MUC4: variants seen among roughly 807,000 people sequenced by gnomAD.
MUC4 encodes the protein mucin 4, cell surface associated.
Under a neutral mutation model 257.9 loss-of-function variants are expected in MUC4, and 202 were observed. The ratio of observed to expected loss-of-function variants is 0.78; its 90% CI spans 0.70 to 0.88. The LOEUF (loss-of-function observed/expected upper bound fraction) is 0.88, where lower values mean the gene tolerates loss of function less well. Among genes scored for constraint, MUC4 ranks in the 40% least tolerant of loss-of-function variants. MUC4 has a pLI of 0.00. For synonymous variants in MUC4, 2,351 were observed against 2,757.1 expected (o/e 0.85, Z 4.62); for missense variants, 5,976 against 6,513.7 (o/e 0.92, Z 2.84).
rs761569859 is a variant in MUC4, at chr3:195,782,378, C to T, written c.9202G>A (p.Gly3068Ser). 7.3e-4 allele frequency: 1,044 copies of T among 1,421,622 alleles called. 96 individuals are homozygous for T. The African/African-American group carries it at 0.017, about 23-fold the overall frequency. 88.1% of individuals were successfully genotyped at this position (1,421,622 alleles called of 1,614,324 possible). A position where few individuals can be genotyped will look rare whatever the true frequency, so the allele number is the denominator to read the frequency against. Residue 3068 changes from glycine (G) to serine (S), a missense_variant, in exon 2 of 25, where the codon GGT becomes AGT. Coordinates refer to ENST00000463781, the MANE Select transcript of MUC4 (RefSeq NM_018406.7). ...HVTSPSSAST[G>S]HATPLPVTDT... ...GTGACAGGAAGCGGGGTGGCGTGAC[C>T]GGTGGATGCTGAGGAAGGGCTGGTG...
At chr3:195,777,932 ATACCTTCCACAC>A (rs1312095534) in intron 3 of MUC4, among the ~76,000 whole-genome samples, 4 of 151,134 alleles carry the variant, frequency 2.6e-5, no homozygotes, top group African/African-American at 9.8e-5. Context: ...TTCCACACCC[ATACCTTCCACAC>A]CTTTGTTCCA....
intron 23 of MUC4, chr3:195,749,947 C>T (rs1716034286): frequency 6.6e-6 from 1 of 152,276 alleles, no homozygotes; most frequent in South Asian, 2.1e-4. Flanking sequence ...TATAGGTTTT[C>T]CTTAATTGCA....
chr3:195,792,226 A>G (rs2149044334), intron 1 of MUC4, among the ~76,000 whole-genome samples: 1 of 152,332 alleles, frequency 6.6e-6, no homozygotes, highest in African/African-American at 2.4e-5. Context: ...AATTTTTGCA[A>G]TCTAACCATC....
chr3:195,769,240 GCT>G, intron 6 of MUC4, 88 bp from the exon 7 acceptor site: 1 of 1,526,506 alleles, frequency 6.6e-7, no homozygotes, highest in Non-Finnish European at 8.9e-7. Flanking sequence ...CCACAGCCCT[GCT>G]CTGACACGCA....
chr3:195,767,546 C>CCAT (rs1488411291), intron 7 of MUC4, among the ~76,000 whole-genome samples: 1 of 115,908 alleles, frequency 8.6e-6, no homozygotes, highest in Non-Finnish European at 1.7e-5. Flanking sequence ...ACCATCATCA[C>CCAT]CATCACCATT....
chr3:195,747,018 G>T lies in MUC4; in HGVS notation c.*158C>A. 1.9e-6 allele frequency: 2 copies of T among 1,068,790 alleles called. No individual in the cohort carries two copies. Among genetic ancestry groups the T allele is most frequent in the Non-Finnish European group, 2.7e-6 (2 of 734,528 alleles). 66.2% of individuals were successfully genotyped at this position (1,068,790 alleles called of 1,614,324 possible). A position where few individuals can be genotyped will look rare whatever the true frequency, so the allele number is the denominator to read the frequency against. On this transcript the variant is annotated 3_prime_UTR_variant, in exon 25 of 25. Coordinates refer to ENST00000463781, the MANE Select transcript of MUC4 (RefSeq NM_018406.7). The stretch of plus-strand genomic sequence containing the variant: ...CCTGTGCACCTGCGCCTATGGATAA[G>T]GTATAGTCTTGTCTTGATTCCCAGT...
In MUC4 at chr3:195,782,352, G is replaced by T. The variant is rs779987871; in HGVS notation, c.9228C>A (p.Thr3076=). 7.0e-7 allele frequency: 1 copy of T among 1,431,386 alleles called. No homozygotes were observed. The highest frequency in any genetic ancestry group is 1.6e-5 in the African/African-American group (1 of 64,464). 88.7% of individuals were successfully genotyped at this position (1,431,386 alleles called of 1,614,324 possible). A position where few individuals can be genotyped will look rare whatever the true frequency, so the allele number is the denominator to read the frequency against. ...STGHATPLPV[T]DTSSASTGHA... The stretch of plus-strand genomic sequence containing the variant: ...GACCTGTGGATGCTGAGGAAGTGTC[G>T]GTGACAGGAAGCGGGGTGGCGTGAC... Residue 3076 remains threonine (T), a synonymous_variant, in exon 2 of 25, where the codon ACC becomes ACA. Transcript: ENST00000463781.
At position 195,778,700 on chromosome 3, in the gene MUC4, C is replaced by G. The variant is rs114103729; in HGVS notation, c.12790+90G>C. 5,673 of 1,411,442 alleles carry G rather than the reference C, an allele frequency of 4.0e-3. 195 individuals are homozygous for G. In the African/African-American group the frequency reaches 0.071, roughly 18 times the overall value. The allele number at this position is 1,411,442 out of a possible 1,614,324, so 87.4% of individuals were successfully genotyped here. A position where few individuals can be genotyped will look rare whatever the true frequency, so the allele number is the denominator to read the frequency against. ...CCTGACACGGCCCCACCAGGTAATGCGAATGCACCAGTGTTCTCAGGTACT... is the reference window on the plus strand; with the variant it reads ...CCTGACACGGCCCCACCAGGTAATGGGAATGCACCAGTGTTCTCAGGTACT... On this transcript the variant is annotated intron_variant, in intron 2 of 24. Transcript: ENST00000463781.
chr3:195,754,894 CATGT>C lies in MUC4; in HGVS notation c.15169-526_15169-523del, dbSNP rs1192918610. 1.9e-3 allele frequency among the ~76,000 whole-genome samples: 49 copies of C among 25,274 alleles called. 1 individual carries two copies. In the South Asian group the frequency reaches 0.038, roughly 19 times the overall value. 16.6% of individuals were successfully genotyped at this position (25,274 alleles called of 152,430 possible). A position where few individuals can be genotyped will look rare whatever the true frequency, so the allele number is the denominator to read the frequency against. On this transcript the variant is annotated intron_variant, in intron 18 of 24. Transcript: ENST00000463781. Reference sequence around the variant, plus strand: ...CAATGTATGTATCCATGTATGTATCCATGTATGTATGTGTGTGTCATGCATGTAT... The same window carrying C: ...CAATGTATGTATCCATGTATGTATCCATGTATGTGTGTGTCATGCATGTAT...
rs756030601 is a variant in MUC4, at chr3:195,789,934, G to C, written c.1646C>G (p.Ser549Cys). 1 of 1,613,872 alleles carries C rather than the reference G, an allele frequency of 6.2e-7. No homozygotes were observed. Among genetic ancestry groups the C allele is most frequent in the Non-Finnish European group, 8.5e-7 (1 of 1,179,896 alleles). Reference sequence around the variant, plus strand: ...TTTTGGGAGAGTTGTGCTGTGGGAGGAGTATGTGGTGGGCTCTCCTGGTTC... The same window carrying C: ...TTTTGGGAGAGTTGTGCTGTGGGAGCAGTATGTGGTGGGCTCTCCTGGTTC... The part of the protein sequence containing the change: ...IGEPGEPTTY[S>C]SHSTTLPKTT... The change falls in exon 2 of 25, where the codon TCC becomes TGC. Residue 549 changes from serine to cysteine, a missense_variant. This residue lies in a region of MUC4 where 1,583 missense variants were observed against 1,257.4 expected (regional missense o/e 1.26). Transcript: ENST00000463781.
intron 21 of MUC4, 197 bp downstream of exon 21, chr3:195,752,176 T>G: frequency 3.4e-6 from 2 of 596,610 alleles, no homozygotes. Flanking sequence ...CCTCTGCTTA[T>G]GATGAGTCGA....
At chr3:195,799,373 G>A (rs1476010643) in intron 1 of MUC4, among the ~76,000 whole-genome samples, 1 of 152,060 alleles carries the variant, frequency 6.6e-6, no homozygotes, top group African/African-American at 2.4e-5. Context: ...GCAACGGCAC[G>A]ATTTCGGCCC....
Position 195,790,997 on chromosome 3 carries a change from A to G in MUC4, c.583T>C (p.Ser195Pro). The G allele has an allele frequency of 6.2e-7, 1 of 1,613,596 alleles. No homozygotes were observed. ...GTGCTCCGAGTCCAGTGGTTCTGAG[A>G]AGAAGCTGATGTGTCTTGGATAGAG... ...RTSIQDTSAS[S>P]QNHWTRSTQT... Residue 195 changes from serine to proline, a missense_variant, in exon 2 of 25, where the codon TCT becomes CCT. Ser to Pro is a moderately conservative substitution (Grantham distance 74, BLOSUM62 -1). This residue lies in a region of MUC4 where 1,583 missense variants were observed against 1,257.4 expected (regional missense o/e 1.26). Coordinates refer to ENST00000463781, the MANE Select transcript of MUC4 (RefSeq NM_018406.7).
At chr3:195,748,766 C>G in intron 24 of MUC4, 136 bp downstream of exon 24, 1 of 1,218,768 alleles carries the variant, frequency 8.2e-7, no homozygotes, top group East Asian at 2.7e-5. Flanking sequence ...GCACTCACAA[C>G]TCTCCTTTTC....
At chr3:195,805,567 G>A (rs1434782971) in intron 1 of MUC4, among the ~76,000 whole-genome samples, 1 of 152,124 alleles carries the variant, frequency 6.6e-6, no homozygotes, top group Non-Finnish European at 1.5e-5. Flanking sequence ...CTGGTGTGGT[G>A]GTGTGTGCCT....
At position 195,781,698 on chromosome 3, in the gene MUC4, G is replaced by T; in HGVS notation, c.9882C>A (p.Thr3294=). 4 of 1,379,040 alleles carry T rather than the reference G, an allele frequency of 2.9e-6. No homozygotes were observed. Among genetic ancestry groups the T allele is most frequent in the Non-Finnish European group, 3.9e-6 (4 of 1,018,238 alleles). The allele number at this position is 1,379,040 out of a possible 1,614,324, so 85.4% of individuals were successfully genotyped here. ...TDTSSSSTGD[T]TPLLVTETSS... is the part of the protein sequence containing the mutation. ...AAGTCTCGGTGACAAGAAGAGGGGT[G>T]GTGTCACCTGTGGATGATGAGGAAG... The change falls in exon 2 of 25, where the codon ACC becomes ACA. Residue 3294 remains threonine, a synonymous_variant. Coordinates refer to ENST00000463781, the MANE Select transcript of MUC4 (RefSeq NM_018406.7).
rs1732314859 is a variant in MUC4 at position 195,786,848 on chromosome 3, A to G, written c.4732T>C (p.Ser1578Pro). ...GGAAGAGGGGTGGTGTGACCTGTAG[A>G]TGCTGAGGAAGGGCTGGTGACAGGA... ...PLPVTSPSSA[S>P]TGHTTPLPVT... is the part of the protein sequence containing the mutation. Residue 1578 changes from serine (S) to proline (P), a missense_variant, in exon 2 of 25, where the codon TCT becomes CCT. By Grantham distance (74) the Ser-to-Pro change is moderately conservative. Coordinates refer to ENST00000463781, the MANE Select transcript of MUC4 (RefSeq NM_018406.7). 1 of 1,537,824 alleles carries G rather than the reference A, an allele frequency of 6.5e-7. No individual in the cohort carries two copies. Among genetic ancestry groups the G allele is most frequent in the Non-Finnish European group, 8.8e-7 (1 of 1,140,038 alleles).
At chr3:195,765,512 C>G in intron 8 of MUC4, 63 bp from the exon 9 acceptor site, 1 of 1,513,508 alleles carries the variant, frequency 6.6e-7, no homozygotes, top group South Asian at 1.3e-5. Context: ...CCTGTCTCAG[C>G]TTTAGGGTCA....
chr3:195,751,429 A>G, intron 21 of MUC4, 158 bp from the exon 22 acceptor site: 1 of 647,418 alleles, frequency 1.5e-6, no homozygotes, highest in East Asian at 2.7e-5. Flanking sequence ...CTTGCACTCT[A>G]GCCTAGCTCA....
Sources: allele counts gnomAD v4.1 joint callset (sites outside exome capture counted in the v4.1 genomes callset), GRCh38; gene constraint gnomAD v4.1.1; regional missense constraint gnomAD v4.1.1; transcripts MANE v1.5; gene names NCBI Gene and HGNC (gene_info 2026-07-23, HGNC 2026-07-21).